MTO1: variants seen among roughly 807,000 people sequenced by gnomAD.
MTO1 encodes the protein mitochondrial tRNA translation optimization 1.
A neutral mutation model predicts 71.6 loss-of-function variants in MTO1; 46 were observed. The ratio of observed to expected loss-of-function variants is 0.64; its 90% confidence interval spans 0.51 to 0.82. MTO1 has a LOEUF of 0.82. Ranked by LOEUF, MTO1 falls within the 40% of genes least tolerant of loss-of-function variation. The pLI is 0.00. For missense variants in MTO1, 773 were observed against 867.5 expected (o/e 0.89, Z 1.37); for synonymous variants, 297 against 312.1 (o/e 0.95, Z 0.51).
intron 6 of MTO1, 160 bp from the exon 7 acceptor site, chr6:73,480,515 C>T: frequency 1.2e-6 from 1 of 838,540 alleles, no homozygotes. Context: ...GGTGATCCAC[C>T]CGCCTTGGCC....
In MTO1 at chr6:73,505,814, G is replaced by A. The variant is rs541213180; in HGVS notation, c.*5079G>A. ...GATCCGCCCACCTCGACCTCCCAAA[G>A]TGCTGGGATTACAGGGGTGAGCCAC... is the stretch of plus-strand genomic sequence containing the variant. On this transcript the variant is annotated 3_prime_UTR_variant, in exon 12 of 12. Transcript: ENST00000498286. 4 of 152,222 alleles carry A rather than the reference G, an allele frequency of 2.6e-5. No homozygotes were observed. The highest frequency in any genetic ancestry group is 9.6e-5 in the African/African-American group (4 of 41,526). The allele number at this position is 152,222 out of a possible 1,614,324, so 9.4% of individuals were successfully genotyped here.
rs1318458607 is a variant in MTO1 at position 73,497,899 on chromosome 6, A to G, written c.1917+3A>G. 1 of 1,604,722 alleles carries G rather than the reference A, an allele frequency of 6.2e-7. No homozygotes were observed. ...TACATTTTAGTCGTCCACAGACGGT[A>G]AGAAAATAGGCAGGAGAATAGAAAC... On this transcript the variant is annotated splice_donor_region_variant and intron_variant, in intron 11 of 11. Coordinates refer to ENST00000498286, the MANE Select transcript of MTO1 (RefSeq NM_012123.4).
At chr6:73,463,698 G>T (rs927039915) in intron 1 of MTO1, among the ~76,000 whole-genome samples, 5 of 151,992 alleles carry the variant, frequency 3.3e-5, no homozygotes, top group South Asian at 2.1e-4. Flanking sequence ...TTTCCTAAAA[G>T]ATTATACTTT....
rs866899975 is a variant in MTO1 at position 73,461,891 on chromosome 6, G to A, written c.37G>A (p.Val13Ile). 2.5e-6 allele frequency: 4 copies of A among 1,613,956 alleles called. No individual in the cohort carries two copies. The highest frequency in any genetic ancestry group is 1.6e-4 in the Middle Eastern group (1 of 6,082). Residue 13 changes from valine to isoleucine, a missense_variant, in exon 1 of 12, where the codon GTT (valine) becomes ATT (isoleucine). Physicochemically the swap from Val to Ile is conservative, Grantham distance 29. Transcript: ENST00000498286. ...CCGAGGCTGTGGCCGTTGGGTCGCG[G>A]TTTCCTTCACCAAGCAGCAATTTCC... Reference protein sequence around the residue: ...YFRGCGRWVAVSFTKQQFPLA... With the variant: ...YFRGCGRWVAISFTKQQFPLA...
intron 1 of MTO1, among the ~76,000 whole-genome samples, chr6:73,462,679 G>A (rs1464269757): frequency 3.3e-5 from 5 of 152,086 alleles, no homozygotes; most frequent in African/African-American, 1.2e-4. Flanking sequence ...AGTGAGCCGA[G>A]ATTGCGCCAC....
At chr6:73,476,036 TAGC>T (rs1207623537) in intron 4 of MTO1, among the ~76,000 whole-genome samples, 1 of 152,044 alleles carries the variant, frequency 6.6e-6, no homozygotes, top group Non-Finnish European at 1.5e-5. Context: ...ATTTCAGACA[TAGC>T]AGAGCAACTT....
chr6:73,470,951 T>G (rs892696234), intron 3 of MTO1, among the ~76,000 whole-genome samples: 1 of 151,764 alleles, frequency 6.6e-6, no homozygotes, highest in African/African-American at 2.4e-5. Flanking sequence ...AGAGTCTGTC[T>G]CAATAGAAAA....
At chr6:73,469,786 A>G (rs553387230) in intron 3 of MTO1, among the ~76,000 whole-genome samples, 100 of 152,278 alleles carry the variant, frequency 6.6e-4, no homozygotes, top group African/African-American at 2.3e-3. Context: ...TGGGTGGATC[A>G]CCTGAGGTTG....
chr6:73,464,683 A>G (rs951652384), intron 1 of MTO1, among the ~76,000 whole-genome samples: 30 of 151,652 alleles, frequency 2.0e-4, no homozygotes, highest in African/African-American at 7.2e-4. Flanking sequence ...AAAAGAAAGA[A>G]AATTAGCCAG....
rs142869574 is a variant in MTO1, at chr6:73,467,144, T to C, written c.535+538T>C. Among the ~76,000 whole-genome samples the C allele has an allele frequency of 2.5e-3, 373 of 151,888 alleles. 2 individuals are homozygous for C. The highest frequency in any genetic ancestry group is 8.6e-3 in the African/African-American group (355 of 41,424). On this transcript the variant is annotated intron_variant, in intron 3 of 11. Coordinates refer to ENST00000498286, the MANE Select transcript of MTO1 (RefSeq NM_012123.4). ...GCCTCGGCAAGATGGCAAAACCTCA[T>C]GTCTACAAAAAAATACAAAAATTAG... is the stretch of plus-strand genomic sequence containing the variant.
At chr6:73,475,739 C>T (rs1409531877) in intron 4 of MTO1, among the ~76,000 whole-genome samples, 4 of 151,698 alleles carry the variant, frequency 2.6e-5, no homozygotes, top group Non-Finnish European at 5.9e-5. Context: ...CACGAGCTCC[C>T]GACCTCAGGT....
At chr6:73,478,019 G>A (rs1362589742) in intron 4 of MTO1, among the ~76,000 whole-genome samples, 3 of 152,004 alleles carry the variant, frequency 2.0e-5, no homozygotes, top group Non-Finnish European at 4.4e-5. Context: ...GGGAGGCCAA[G>A]GCAGGTGGAT....
rs560944352 is a variant in MTO1 at position 73,491,777 on chromosome 6, G to C, written c.1638-457G>C. Among the ~76,000 whole-genome samples, 5 of 152,298 alleles carry C rather than the reference G, an allele frequency of 3.3e-5. No individual in the cohort carries two copies. In the East Asian group the frequency reaches 9.6e-4, roughly 29 times the overall value. ...ATCAAATAATACATCTTATTGAGGT[G>C]CTACTGTTTAGCAGATGCTGCTGCA... is the stretch of plus-strand genomic sequence containing the variant. On this transcript the variant is annotated intron_variant, in intron 9 of 11. Transcript: ENST00000498286.
chr6:73,493,354 A>ATGTCTGTGTGTG (rs1771879113), intron 10 of MTO1, among the ~76,000 whole-genome samples: 1 of 139,354 alleles, frequency 7.2e-6, no homozygotes, highest in Non-Finnish European at 1.5e-5. Flanking sequence ...ATGTGCATGT[A>ATGTCTGTGTGTG]TGTGTGTGTG....
At position 73,461,991 on chromosome 6, in the gene MTO1, A is replaced by G. The variant is rs541066796; in HGVS notation, c.137A>G (p.His46Arg). 6.2e-7 allele frequency: 1 copy of G among 1,614,134 alleles called. No individual in the cohort carries two copies. The highest frequency in any genetic ancestry group is 1.1e-5 in the South Asian group (1 of 91,088). The part of the protein sequence containing the change: ...HFDVIVIGGG[H>R]AGTEAATAAA... Reference sequence around the variant, plus strand: ...GACGTGATAGTCATTGGTGGAGGACATGCCGGGACTGAGGCAGCCACCGCC... The same window carrying G: ...GACGTGATAGTCATTGGTGGAGGACGTGCCGGGACTGAGGCAGCCACCGCC... The change falls in exon 1 of 12, where the codon CAT (histidine) becomes CGT (arginine). Residue 46 changes from histidine (H) to arginine (R), a missense_variant. His to Arg is a conservative substitution (Grantham distance 29). Transcript: ENST00000498286.
intron 8 of MTO1, 62 bp downstream of exon 8, chr6:73,482,306 C>G: frequency 6.3e-7 from 1 of 1,586,908 alleles, no homozygotes; most frequent in Non-Finnish European, 8.6e-7. Context: ...ATAATCCAAG[C>G]AATTTGAGAG....
intron 3 of MTO1, among the ~76,000 whole-genome samples, chr6:73,472,234 C>A (rs908295298): frequency 6.6e-6 from 1 of 152,150 alleles, no homozygotes; most frequent in African/African-American, 2.4e-5. Flanking sequence ...CAAACACTTT[C>A]TATCTTTCAA....
intron 7 of MTO1, among the ~76,000 whole-genome samples, chr6:73,481,634 G>A (rs757323038): frequency 6.6e-5 from 10 of 151,924 alleles, no homozygotes; most frequent in African/African-American, 1.7e-4. Context: ...CAGGTGTGAC[G>A]GCATGTGCCT....
chr6:73,493,707 T>A (rs1412125351), intron 10 of MTO1, among the ~76,000 whole-genome samples: 1 of 151,800 alleles, frequency 6.6e-6, no homozygotes, highest in African/African-American at 2.4e-5. Context: ...TATATATCTT[T>A]ATATATTTTT....
Sources: gnomAD v4.1 joint callset for allele counts (sites outside exome capture counted in the v4.1 genomes callset) on GRCh38, gnomAD v4.1.1 for gene constraint, MANE v1.5 for transcripts, NCBI Gene and HGNC (gene_info 2026-07-23, HGNC 2026-07-21) for gene names.